NLRP13: variants seen among roughly 807,000 people sequenced by gnomAD.
The protein encoded by NLRP13 is NACHT, LRR and PYD domains-containing protein 13.
Under a neutral mutation model 94.4 loss-of-function variants are expected in NLRP13, and 82 were observed. That is an observed-to-expected ratio of 0.87 (90% confidence interval 0.73 to 1.04). The LOEUF is 1.04. Ranked by LOEUF, NLRP13 falls within the 50% of genes least tolerant of loss-of-function variation. NLRP13 has a pLI of 0.00. For missense variants in NLRP13, 1,426 were observed against 1,230.8 expected (o/e 1.16, Z -2.37); for synonymous variants, 553 against 464.7 (o/e 1.19, Z -2.45).
chr19:55,912,628 T>G lies in NLRP13; in HGVS notation c.1189A>C (p.Arg397=). 1 of 1,614,236 alleles carries G rather than the reference T, an allele frequency of 6.2e-7. No individual in the cohort carries two copies. The highest frequency in any genetic ancestry group is 8.5e-7 in the Non-Finnish European group (1 of 1,180,040). Residue 397 remains arginine (R), a synonymous_variant, in exon 5 of 11, where the codon AGA becomes CGA. Transcript: ENST00000342929. ...TGDDLRVYFM[R]HFDDSSEVEK... is the part of the protein sequence containing the mutation. The stretch of plus-strand genomic sequence containing the variant: ...ACTTCACTTGAGTCATCAAAGTGTC[T>G]CATGAAATATACCCGTAGGTCGTCC...
intron 4 of NLRP13, among the ~76,000 whole-genome samples, chr19:55,922,665 A>C (rs1251061867): frequency 1.3e-5 from 2 of 152,202 alleles, no homozygotes; most frequent in African/African-American, 4.8e-5. Flanking sequence ...ACAATTGGTT[A>C]ACAGAGGCCC....
intron 4 of NLRP13, 93 bp from the exon 5 acceptor site, chr19:55,913,386 T>C: frequency 7.5e-7 from 1 of 1,341,430 alleles, no homozygotes; most frequent in Non-Finnish European, 1.0e-6. Flanking sequence ...AAGACTTGAA[T>C]AAGAGAAACT....
Position 55,902,126 on chromosome 19 carries a change from G to T in NLRP13, c.2698C>A (p.Leu900Met). 6.2e-7 allele frequency: 1 copy of T among 1,614,132 alleles called. No individual in the cohort carries two copies. Among genetic ancestry groups the T allele is most frequent in the Non-Finnish European group, 8.5e-7 (1 of 1,180,018 alleles). ...CTCAGGCTGTTCTTGCTCAGATTCA[G>T]GTGTGTCAGGCTCCTGTTCTGCAGG... ...ALLQNRSLTH[L>M]NLSKNSLRDE... Residue 900 changes from leucine (L) to methionine (M), a missense_variant, in exon 9 of 11, where the codon CTG becomes ATG. Transcript: ENST00000342929.
At chr19:55,928,599 C>A (rs969792898) in intron 1 of NLRP13, among the ~76,000 whole-genome samples, 7 of 152,128 alleles carry the variant, frequency 4.6e-5, no homozygotes, top group African/African-American at 1.7e-4. Context: ...AAATCAGCAA[C>A]AAGAAAGTAA....
At chr19:55,895,396 A>G (rs1600255323), downstream of NLRP13, among the ~76,000 whole-genome samples, 2 of 151,398 alleles carry the variant, frequency 1.3e-5, no homozygotes, top group African/African-American at 4.8e-5. Context: ...AGAAAAGAAA[A>G]AACAGTCCGG....
In NLRP13 at chr19:55,924,958, T is replaced by C; in HGVS notation, c.388+9A>G. ...CCTGTCCATTATCAACTTAAAGTAG[T>C]GTACACACCTGCTGCTGCTTCTAGC... On this transcript the variant is annotated intron_variant, in intron 2 of 10. Coordinates refer to ENST00000342929, the MANE Select transcript of NLRP13 (RefSeq NM_176810.2). The C allele has an allele frequency of 6.2e-7, 1 of 1,612,538 alleles. No individual in the cohort carries two copies. Among genetic ancestry groups the C allele is most frequent in the Non-Finnish European group, 8.5e-7 (1 of 1,178,522 alleles).
intron 4 of NLRP13, among the ~76,000 whole-genome samples, chr19:55,916,114 C>T (rs1006307961): frequency 6.6e-6 from 1 of 152,198 alleles, no homozygotes; most frequent in Non-Finnish European, 1.5e-5. Context: ...TGCACTAATA[C>T]TGTCTATAAC....
chr19:55,916,826 T>C (rs983772915), intron 4 of NLRP13, among the ~76,000 whole-genome samples: 3 of 152,060 alleles, frequency 2.0e-5, no homozygotes, highest in Admixed American at 6.5e-5. Context: ...TTCCCTACTC[T>C]GGCAAGAGAT....
chr19:55,910,557 A>G lies in NLRP13; in HGVS notation c.2282+6T>C, dbSNP rs1269545609. 1.3e-6 allele frequency: 2 copies of G among 1,590,768 alleles called. No individual in the cohort carries two copies. The highest frequency in any genetic ancestry group is 1.7e-6 in the Non-Finnish European group (2 of 1,163,802). On this transcript the variant is annotated splice_donor_region_variant and intron_variant, in intron 6 of 10. Coordinates refer to ENST00000342929, the MANE Select transcript of NLRP13 (RefSeq NM_176810.2). ...TCTTCTTGAGCTGCTGGCGTCTCAC[A>G]CTTACGTCAGTTTCTGGACTTTGCA...
chr19:55,902,823 TTAACTATA>T (rs1402458550), intron 8 of NLRP13, among the ~76,000 whole-genome samples: 2 of 149,594 alleles, frequency 1.3e-5, no homozygotes, highest in African/African-American at 4.9e-5. Flanking sequence ...ATATTAAATA[TTAACTATA>T]TATTACATAC....
intron 4 of NLRP13, 137 bp from the exon 5 acceptor site, chr19:55,913,430 A>G (rs1986589043): frequency 2.0e-6 from 2 of 996,486 alleles, no homozygotes; most frequent in Admixed American, 5.5e-5. Flanking sequence ...ATGCAGTGGT[A>G]GAAAGTTGCA....
intron 1 of NLRP13, among the ~76,000 whole-genome samples, chr19:55,927,467 A>G (rs1349761438): frequency 6.6e-6 from 1 of 152,098 alleles, no homozygotes; most frequent in Non-Finnish European, 1.5e-5. Context: ...AAAAAAAAAA[A>G]AAAATCCCAG....
chr19:55,898,621 G>T (rs371016263), intron 10 of NLRP13, 149 bp downstream of exon 10: 14 of 783,894 alleles, frequency 1.8e-5, no homozygotes, highest in Admixed American at 3.4e-5. Flanking sequence ...CTGGGGTTAC[G>T]GGCGTGAGCC....
intron 4 of NLRP13, among the ~76,000 whole-genome samples, chr19:55,914,032 T>C (rs1006125194): frequency 6.6e-6 from 1 of 152,186 alleles, no homozygotes; most frequent in Non-Finnish European, 1.5e-5. Context: ...TCAGTAACTG[T>C]AGAGCCTGCC....
chr19:55,895,904 T>G, downstream of NLRP13: 1 of 1,597,774 alleles, frequency 6.3e-7, no homozygotes, highest in African/African-American at 1.3e-5. Context: ...CAATCTAGCC[T>G]TGTCCCTGTA....
chr19:55,905,017 T>A lies in NLRP13; in HGVS notation c.2543A>T (p.Asn848Ile), dbSNP rs192332058. 1.2e-6 allele frequency: 2 copies of A among 1,613,672 alleles called. No individual in the cohort carries two copies. Among genetic ancestry groups the A allele is most frequent in the Non-Finnish European group, 1.7e-6 (2 of 1,179,920 alleles). Reference sequence around the variant, plus strand: ...CTTTATGCCATCATCTTGGAGCCGATTAAATCCCAGGCACAATCGAGTTAC... The same window carrying A: ...CTTTATGCCATCATCTTGGAGCCGAATAAATCCCAGGCACAATCGAGTTAC... ...QHVTRLCLGF[N>I]RLQDDGIKLL... Residue 848 changes from asparagine (N) to isoleucine (I), a missense_variant, in exon 8 of 11, where the codon AAT (asparagine) becomes ATT (isoleucine). Transcript: ENST00000342929.
chr19:55,913,228 A>G lies in NLRP13; in HGVS notation c.589T>C (p.Trp197Arg), dbSNP rs1159822744. ...ELLETWDNISWPKDHVYIRNT... is the reference protein window; with the variant it reads ...ELLETWDNISRPKDHVYIRNT... ...CGGATATATACGTGGTCTTTAGGCC[A>G]ACTGATGTTGTCCCATGTCTCCAGT... Residue 197 changes from tryptophan (W) to arginine (R), a missense_variant, in exon 5 of 11, where the codon TGG becomes CGG. Physicochemically the swap from Trp to Arg is moderately radical, Grantham distance 101. Coordinates refer to ENST00000342929, the MANE Select transcript of NLRP13 (RefSeq NM_176810.2). 1 of 1,614,026 alleles carries G rather than the reference A, an allele frequency of 6.2e-7. No homozygotes were observed. The highest frequency in any genetic ancestry group is 8.5e-7 in the Non-Finnish European group (1 of 1,180,024).
At chr19:55,931,680 G>A (rs1987139216) in intron 1 of NLRP13, among the ~76,000 whole-genome samples, 1 of 69,868 alleles carries the variant, frequency 1.4e-5, no homozygotes, top group Non-Finnish European at 3.0e-5. Flanking sequence ...CTGCACTCCA[G>A]CCTGGGCGAC....
In NLRP13 at chr19:55,905,092, G is replaced by A. The variant is rs367708599; in HGVS notation, c.2468C>T (p.Ser823Leu). 207 of 1,613,548 alleles carry A rather than the reference G, an allele frequency of 1.3e-4. No homozygotes were observed. The highest frequency in any genetic ancestry group is 1.5e-4 in the Non-Finnish European group (179 of 1,179,874). Residue 823 changes from serine (S) to leucine (L), a missense_variant, in exon 8 of 11, where the codon TCG becomes TTG. Transcript: ENST00000342929. ...KYLCLEKCNL[S>L]AASCQDLALF... ...GGCTAGGTCCTGACAGCTGGCTGCC[G>A]ACAAGTTGCATTTCTCCAGGCTGTG...
Sources: gnomAD v4.1 joint callset for allele counts (sites outside exome capture counted in the v4.1 genomes callset) on GRCh38, gnomAD v4.1.1 for gene constraint, MANE v1.5 for transcripts, NCBI Gene and HGNC (gene_info 2026-07-23, HGNC 2026-07-21) for gene names.